The following TYR variants were observed in gnomAD, a reference collection of about 807,000 sequenced individuals.
The protein encoded by TYR is LB24-AB.
Under a neutral mutation model 51.5 loss-of-function variants are expected in TYR, and 58 were observed. The observed-to-expected ratio is 1.13, with a 90% CI of 0.91 to 1.40. The LOEUF (loss-of-function observed/expected upper bound fraction) is 1.40. Ranked by LOEUF, TYR falls within the 40% of genes most tolerant of loss-of-function variation. TYR has a pLI of 0.00. For synonymous variants in TYR, 263 were observed against 235.2 expected (o/e 1.12, Z -1.08); for missense variants, 732 against 647.4 (o/e 1.13, Z -1.42).
intron 1 of TYR, among the ~76,000 whole-genome samples, chr11:89,181,051 A>C (rs1265649269): frequency 6.6e-6 from 1 of 152,098 alleles, no homozygotes; most frequent in Non-Finnish European, 1.5e-5. Context: ...TGTAAAGTTC[A>C]AGAGTCTTTT....
intron 2 of TYR, among the ~76,000 whole-genome samples, chr11:89,223,814 T>C (rs12796520): frequency 1.3e-5 from 2 of 152,134 alleles, no homozygotes; most frequent in African/African-American, 4.8e-5. Flanking sequence ...TGGTATGTAT[T>C]ACAAAGAATC....
intron 3 of TYR, among the ~76,000 whole-genome samples, chr11:89,264,880 A>T (rs1944507775): frequency 6.6e-6 from 1 of 151,984 alleles, no homozygotes; most frequent in East Asian, 1.9e-4. Flanking sequence ...TGTAAGGAAA[A>T]CTGCTTTTCT....
intron 2 of TYR, among the ~76,000 whole-genome samples, chr11:89,211,860 C>T (rs1456960265): frequency 1.3e-5 from 2 of 152,086 alleles, no homozygotes; most frequent in Admixed American, 6.6e-5. Context: ...GGGTAAATAA[C>T]AAAATGAAGG....
At chr11:89,279,408 G>A (rs1944694033) in intron 3 of TYR, among the ~76,000 whole-genome samples, 1 of 151,658 alleles carries the variant, frequency 6.6e-6, no homozygotes, top group Admixed American at 6.6e-5. Context: ...GCTGCACAGA[G>A]AGGTCAAGAA....
intron 2 of TYR, among the ~76,000 whole-genome samples, chr11:89,223,083 G>A (rs1007516475): frequency 2.6e-5 from 4 of 152,112 alleles, no homozygotes; most frequent in African/African-American, 9.7e-5. Context: ...AACTGTATAT[G>A]CAAAAAGGAG....
At chr11:89,195,358 A>G (rs1276025405) in intron 2 of TYR, among the ~76,000 whole-genome samples, 1 of 152,112 alleles carries the variant, frequency 6.6e-6, no homozygotes, top group Admixed American at 6.6e-5. Context: ...TGAAATAGTG[A>G]AGATGTGTAA....
intron 2 of TYR, among the ~76,000 whole-genome samples, chr11:89,192,721 A>T (rs1429909392): frequency 6.6e-6 from 1 of 152,138 alleles, no homozygotes; most frequent in African/African-American, 2.4e-5. Context: ...GGTAATATTC[A>T]TGATTAACTT....
At chr11:89,227,690 C>A in intron 2 of TYR, 133 bp from the exon 3 acceptor site, 3 of 802,322 alleles carry the variant, frequency 3.7e-6, no homozygotes, top group Non-Finnish European at 3.9e-6. Context: ...AGTCTCAATA[C>A]GGAATGAATT....
At chr11:89,236,521 G>C (rs553407580) in intron 3 of TYR, among the ~76,000 whole-genome samples, 2 of 152,208 alleles carry the variant, frequency 1.3e-5, no homozygotes, top group South Asian at 4.1e-4. Context: ...GGTAATTTCT[G>C]AGCCTTTGTA....
At chr11:89,261,946 A>T (rs1485278348) in intron 3 of TYR, among the ~76,000 whole-genome samples, 1 of 152,194 alleles carries the variant, frequency 6.6e-6, no homozygotes, top group East Asian at 1.9e-4. Context: ...CATACTGCTA[A>T]ATAATAGTTG....
intron 2 of TYR, among the ~76,000 whole-genome samples, chr11:89,211,377 G>C (rs1424533369): frequency 6.6e-6 from 1 of 152,048 alleles, no homozygotes; most frequent in African/African-American, 2.4e-5. Flanking sequence ...AATGGTAATG[G>C]GATCAATTCA....
chr11:89,181,918 G>A (rs545903662), intron 1 of TYR, among the ~76,000 whole-genome samples: 30 of 152,232 alleles, frequency 2.0e-4, no homozygotes, highest in African/African-American at 4.3e-4. Context: ...ATTTGATCAC[G>A]TTGACTCCCT....
At chr11:89,275,511 T>C (rs1285486281) in intron 3 of TYR, among the ~76,000 whole-genome samples, 2 of 152,028 alleles carry the variant, frequency 1.3e-5, no homozygotes, top group Middle Eastern at 6.8e-3. Flanking sequence ...CTTAAATTCT[T>C]TGACTCAATT....
At chr11:89,180,553 GAA>G (rs1239501501) in intron 1 of TYR, among the ~76,000 whole-genome samples, 2 of 137,608 alleles carry the variant, frequency 1.5e-5, no homozygotes, top group South Asian at 4.5e-4. Flanking sequence ...ATACTCTCTA[GAA>G]AAAAAAAAAA....
intron 2 of TYR, among the ~76,000 whole-genome samples, chr11:89,205,055 C>T (rs1591152862): frequency 6.6e-6 from 1 of 151,564 alleles, no homozygotes; most frequent in Admixed American, 6.6e-5. Context: ...AATGACTTCG[C>T]AAGAAAATGG....
chr11:89,204,936 T>C (rs1305882974), intron 2 of TYR, among the ~76,000 whole-genome samples: 1 of 151,984 alleles, frequency 6.6e-6, no homozygotes, highest in Admixed American at 6.6e-5. Context: ...TTGAACAGAA[T>C]GGTGAAAACC....
At chr11:89,222,011 A>G (rs1392497382) in intron 2 of TYR, among the ~76,000 whole-genome samples, 39 of 152,256 alleles carry the variant, frequency 2.6e-4, no homozygotes, top group Non-Finnish European at 1.5e-5. Flanking sequence ...TGACTGTTAC[A>G]TAGTAGTTGC....
intron 3 of TYR, among the ~76,000 whole-genome samples, chr11:89,283,316 CA>C (rs1265743581): frequency 6.6e-6 from 1 of 151,810 alleles, no homozygotes; most frequent in Non-Finnish European, 1.5e-5. Flanking sequence ...AAAAAATGAT[CA>C]CCATTTCTTC....
rs569941874 is a variant in TYR at position 89,255,683 on chromosome 11, T to G, written c.1184+27713T>G. The stretch of plus-strand genomic sequence containing the variant: ...GTTCATTTTGTTTAAATTGTCAAAT[T>G]AGTGGTATACAATAATTCATAATGT... On this transcript the variant is annotated intron_variant, in intron 3 of 4. Coordinates refer to ENST00000263321, the MANE Select transcript of TYR (RefSeq NM_000372.5). 1.3e-4 allele frequency among the ~76,000 whole-genome samples: 20 copies of G among 151,912 alleles called. 1 individual carries two copies. Among genetic ancestry groups the G allele is most frequent in the African/African-American group, 4.6e-4 (19 of 41,550 alleles).
Sources: allele counts gnomAD v4.1 joint callset (sites outside exome capture counted in the v4.1 genomes callset), GRCh38; gene constraint gnomAD v4.1.1; transcripts MANE v1.5; gene names NCBI Gene and HGNC (gene_info 2026-07-23, HGNC 2026-07-21).